MTFR1: variants seen among roughly 807,000 people sequenced by gnomAD.
The protein encoded by MTFR1 is chondrocyte protein with a poly-proline region.
In MTFR1, 28 loss-of-function variants were observed where a neutral mutation model predicts 38.8. That is an observed-to-expected ratio of 0.72 (90% CI 0.53 to 0.99). The LOEUF (loss-of-function observed/expected upper bound fraction) is 0.99, where lower values mean the gene tolerates loss of function less well. Among genes scored for constraint, MTFR1 ranks in the 50% least tolerant of loss-of-function variants. The pLI is 0.00. For synonymous variants in MTFR1, 145 were observed against 137.0 expected, an observed-to-expected ratio of 1.06 and a Z score of -0.41; for missense variants, 358 against 395.5, an observed-to-expected ratio of 0.91 and a Z score of 0.81.
intron 1 of MTFR1, among the ~76,000 whole-genome samples, chr8:65,665,070 G>A (rs1804341559): frequency 6.6e-6 from 1 of 151,698 alleles, no homozygotes; most frequent in Admixed American, 6.6e-5. Flanking sequence ...AAGTAGCTGG[G>A]ACTACAGACA....
intron 2 of MTFR1, among the ~76,000 whole-genome samples, chr8:65,675,620 A>G (rs549426664): frequency 6.6e-6 from 1 of 152,298 alleles, no homozygotes; most frequent in East Asian, 1.9e-4. Flanking sequence ...AACAACAACA[A>G]AACCATTATA....
intron 3 of MTFR1, among the ~76,000 whole-genome samples, chr8:65,740,520 C>T (rs1807370199): frequency 6.6e-6 from 1 of 152,128 alleles, no homozygotes; most frequent in African/African-American, 2.4e-5. Context: ...CCTGCCTCAG[C>T]CTCCCGAGTA....
chr8:65,734,925 T>C, intron 3 of MTFR1: 1 of 1,346,480 alleles, frequency 7.4e-7, no homozygotes, highest in Non-Finnish European at 1.1e-6. Context: ...CCGATTTTAT[T>C]GTATATGAGC....
At chr8:65,735,786 C>T (rs181055487) in intron 3 of MTFR1, among the ~76,000 whole-genome samples, 5 of 152,148 alleles carry the variant, frequency 3.3e-5, no homozygotes, top group African/African-American at 4.8e-5. Context: ...CCATCATGCT[C>T]GGCTAATTTT....
chr8:65,648,751 G>A (rs1424499023), intron 1 of MTFR1, among the ~76,000 whole-genome samples: 1 of 152,050 alleles, frequency 6.6e-6, no homozygotes, highest in Non-Finnish European at 1.5e-5. Flanking sequence ...AAGTTTCCAT[G>A]ATTGAAAAAA....
upstream of MTFR1, among the ~76,000 whole-genome samples, chr8:65,644,247 T>C (rs1156608091): frequency 6.6e-6 from 1 of 152,260 alleles, no homozygotes; most frequent in Middle Eastern, 3.4e-3. Flanking sequence ...TACTTATCCA[T>C]GAGGCACTTT....
chr8:65,722,547 C>T (rs1158521077), intron 3 of MTFR1: 4 of 152,194 alleles, frequency 2.6e-5, no homozygotes, highest in African/African-American at 7.2e-5. Context: ...ACACCAGCTA[C>T]CAAAATTACA....
At chr8:65,688,091 CTCCG>C (rs1246526073) in intron 3 of MTFR1, among the ~76,000 whole-genome samples, 1 of 117,242 alleles carries the variant, frequency 8.5e-6, no homozygotes, top group African/African-American at 3.0e-5. Context: ...CAGGGCAAGA[CTCCG>C]TCTAAAAAAA....
At chr8:65,668,921 A>C (rs1186469765) in intron 1 of MTFR1, among the ~76,000 whole-genome samples, 2 of 152,190 alleles carry the variant, frequency 1.3e-5, no homozygotes, top group African/African-American at 4.8e-5. Flanking sequence ...TCTATACCAT[A>C]CAAGTTAACA....
At chr8:65,695,304 T>C (rs1334640132) in intron 4 of MTFR1, among the ~76,000 whole-genome samples, 2 of 152,168 alleles carry the variant, frequency 1.3e-5, no homozygotes, top group Non-Finnish European at 2.9e-5. Flanking sequence ...TTATCCTAAA[T>C]TCTCAGGTTT....
At chr8:65,668,225 T>G (rs1019649536) in intron 1 of MTFR1, among the ~76,000 whole-genome samples, 2 of 148,892 alleles carry the variant, frequency 1.3e-5, no homozygotes, top group African/African-American at 4.9e-5. Context: ...TCACCCAGGC[T>G]AGAGTGTAGT....
At chr8:65,770,776 C>T (rs1303162421) in intron 3 of MTFR1, among the ~76,000 whole-genome samples, 3 of 152,212 alleles carry the variant, frequency 2.0e-5, no homozygotes, top group Non-Finnish European at 4.4e-5. Context: ...AAACTGCCCT[C>T]CAGAAAGCCT....
At chr8:65,664,867 C>T (rs766210407) in intron 1 of MTFR1, among the ~76,000 whole-genome samples, 38 of 150,604 alleles carry the variant, frequency 2.5e-4, no homozygotes, top group Non-Finnish European at 4.1e-4. Flanking sequence ...GGATTACAGG[C>T]GTGAGCCACC....
chr8:65,662,697 T>G (rs1809472520), intron 1 of MTFR1, among the ~76,000 whole-genome samples: 1 of 136,924 alleles, frequency 7.3e-6, no homozygotes, highest in Admixed American at 7.4e-5. Flanking sequence ...GAGGAGCCCC[T>G]CCGCCCGGCA....
At chr8:65,763,029 G>GTGTGTGTGTC (rs1808590331) in intron 3 of MTFR1, among the ~76,000 whole-genome samples, 4 of 146,204 alleles carry the variant, frequency 2.7e-5, no homozygotes, top group African/African-American at 1.0e-4. Flanking sequence ...GTGTGTGTGT[G>GTGTGTGTGTC]TGTGTGTGTA....
rs771947064 is a variant in MTFR1 at position 65,747,714 on chromosome 8, G to A, written c.*49-23233G>A. 1.7e-5 allele frequency: 27 copies of A among 1,611,144 alleles called. 1 individual carries two copies. Among genetic ancestry groups the A allele is most frequent in the African/African-American group, 2.7e-5 (2 of 74,828 alleles). Reference sequence around the variant, plus strand: ...AGGGAATTTGAAACCGCAGTACCACGAAAAAAGCGTGAAGATCTAAGATAT... The same window carrying A: ...AGGGAATTTGAAACCGCAGTACCACAAAAAAAGCGTGAAGATCTAAGATAT... On this transcript the variant is annotated intron_variant, in intron 3 of 3. Coordinates refer to the MTFR1 transcript ENST00000521247.
downstream of MTFR1, chr8:65,714,731 C>T (rs1806066854): frequency 6.6e-6 from 1 of 152,070 alleles, no homozygotes; most frequent in African/African-American, 2.4e-5. Context: ...TGCTTGAAAA[C>T]ACTGGAAATA....
At chr8:65,677,448 T>C (rs1336332462) in intron 2 of MTFR1, among the ~76,000 whole-genome samples, 2 of 146,262 alleles carry the variant, frequency 1.4e-5, no homozygotes, top group Admixed American at 7.0e-5. Flanking sequence ...AGTGGCACGA[T>C]GTCAGCTCAC....
At chr8:65,699,381 A>G (rs75748393) in intron 4 of MTFR1, among the ~76,000 whole-genome samples, 2,936 of 152,256 alleles carry the variant, frequency 0.019, 27 homozygotes, top group African/African-American at 0.028. Context: ...TGGGTCAAAC[A>G]ATAGTTCTCT....
Sources: allele counts gnomAD v4.1 joint callset (sites outside exome capture counted in the v4.1 genomes callset), GRCh38; gene constraint gnomAD v4.1.1; transcripts MANE v1.5; gene names NCBI Gene and HGNC (gene_info 2026-07-23, HGNC 2026-07-21).